Variants in UBAC2 observed in about 807,000 individuals in gnomAD.
UBAC2 encodes the protein UBA domain containing 2, also known as ubiquitin-associated domain-containing protein 2.
Under a neutral mutation model 44.0 loss-of-function variants are expected in UBAC2, and 26 were observed. The ratio of observed to expected loss-of-function variants is 0.59; its 90% CI spans 0.43 to 0.82. UBAC2 has a LOEUF of 0.82. UBAC2 is among the 40% of genes least tolerant of loss of function. The pLI is 0.00. For missense variants in UBAC2, 329 were observed against 419.4 expected (o/e 0.78, Z 1.88); for synonymous variants, 155 against 154.3 (o/e 1.00, Z -0.04).
At chr13:99,235,851 C>T (rs373399371) in intron 1 of UBAC2, among the ~76,000 whole-genome samples, 1 of 151,950 alleles carries the variant, frequency 6.6e-6, no homozygotes, top group African/African-American at 2.4e-5. Flanking sequence ...GCCTGTAGTC[C>T]CAGCTACTAG....
At position 99,385,170 on chromosome 13, in the gene UBAC2, C is replaced by A. The variant is rs1044158317; in HGVS notation, c.928-58C>A. ...AGGCTCACATGAAGAACATTTGGGGCCCAGGGATAAGCGGCAATGTCAGCG... is the reference window on the plus strand; with the variant it reads ...AGGCTCACATGAAGAACATTTGGGGACCAGGGATAAGCGGCAATGTCAGCG... On this transcript the variant is annotated intron_variant, in intron 8 of 8. Transcript: ENST00000403766. 14 of 1,287,910 alleles carry A rather than the reference C, an allele frequency of 1.1e-5. No homozygotes were observed. The African/African-American group carries it at 1.5e-4, about 13-fold the overall frequency. The allele number at this position is 1,287,910 out of a possible 1,614,324, so 79.8% of individuals were successfully genotyped here.
chr13:99,276,808 A>C (rs994773611), intron 4 of UBAC2, among the ~76,000 whole-genome samples: 11 of 152,216 alleles, frequency 7.2e-5, no homozygotes, highest in Admixed American at 7.2e-4. Flanking sequence ...GAAGAAGAAA[A>C]GGCACTTCTG....
At chr13:99,205,127 C>A (rs2142637105) in intron 1 of UBAC2, among the ~76,000 whole-genome samples, 1 of 152,300 alleles carries the variant, frequency 6.6e-6, no homozygotes, top group Middle Eastern at 3.4e-3. Flanking sequence ...TGGTCTTGAT[C>A]TCCTGACCTC....
intron 6 of UBAC2, among the ~76,000 whole-genome samples, chr13:99,319,886 A>C (rs1420161670): frequency 2.6e-5 from 4 of 152,208 alleles, no homozygotes; most frequent in Non-Finnish European, 5.9e-5. Context: ...CATTGCTTTG[A>C]TCATGAGAGA....
At chr13:99,245,085 C>T (rs1033632754) in intron 4 of UBAC2, among the ~76,000 whole-genome samples, 14 of 152,136 alleles carry the variant, frequency 9.2e-5, no homozygotes, top group African/African-American at 3.4e-4. Flanking sequence ...CCACCCGCCT[C>T]GGCCTCCCAA....
intron 4 of UBAC2, among the ~76,000 whole-genome samples, chr13:99,276,170 A>G (rs535123480): frequency 2.0e-5 from 3 of 152,270 alleles, no homozygotes; most frequent in Non-Finnish European, 2.9e-5. Flanking sequence ...GTGTTTTCCA[A>G]CGCTAACAAG....
chr13:99,202,106 A>AATGTCATG (rs2042811352), intron 1 of UBAC2, among the ~76,000 whole-genome samples: 1 of 150,756 alleles, frequency 6.6e-6, no homozygotes, highest in Non-Finnish European at 1.5e-5. Context: ...ATCTGTTGGG[A>AATGTCATG]ATGTCATGAA....
intron 4 of UBAC2, among the ~76,000 whole-genome samples, chr13:99,287,434 T>C (rs998658266): frequency 1.3e-5 from 2 of 152,004 alleles, no homozygotes; most frequent in Middle Eastern, 3.2e-3. Flanking sequence ...GTTCTTTTTT[T>C]TTTAAATTTT....
chr13:99,271,978 C>T (rs2043821340), intron 4 of UBAC2, among the ~76,000 whole-genome samples: 1 of 152,140 alleles, frequency 6.6e-6, no homozygotes, highest in South Asian at 2.1e-4. Context: ...TTTGTTAGGA[C>T]TGTTTGATCT....
intron 4 of UBAC2, chr13:99,308,883 G>A (rs914703119): frequency 6.6e-6 from 1 of 152,192 alleles, no homozygotes; most frequent in Non-Finnish European, 1.5e-5. Flanking sequence ...GAGATTTTAT[G>A]ACTTGGTGGA....
chr13:99,383,987 G>A (rs1049001121), intron 8 of UBAC2, among the ~76,000 whole-genome samples: 10 of 152,234 alleles, frequency 6.6e-5, no homozygotes, highest in Admixed American at 2.0e-4. Context: ...ACTAGGCTGC[G>A]GGTGAAGTGG....
intron 6 of UBAC2, among the ~76,000 whole-genome samples, chr13:99,334,492 C>G (rs1167516744): frequency 6.6e-6 from 1 of 151,974 alleles, no homozygotes; most frequent in Admixed American, 6.6e-5. Flanking sequence ...TTGGAGTTTC[C>G]AAGAACCTAT....
chr13:99,273,041 A>T, intron 4 of UBAC2, among the ~76,000 whole-genome samples: 2 of 151,690 alleles, frequency 1.3e-5, no homozygotes, highest in Non-Finnish European at 1.5e-5. Context: ...GATTAACCTA[A>T]CTATTCTTCT....
chr13:99,318,151 G>A (rs188819545), intron 6 of UBAC2, 82 bp downstream of exon 6: 82 of 1,275,786 alleles, frequency 6.4e-5, no homozygotes, highest in African/African-American at 4.7e-4. Context: ...TAGATTGTGC[G>A]TCATATTCAA....
At chr13:99,274,809 C>T (rs1017367812) in intron 4 of UBAC2, among the ~76,000 whole-genome samples, 4 of 151,860 alleles carry the variant, frequency 2.6e-5, no homozygotes, top group African/African-American at 9.7e-5. Flanking sequence ...CCTCAACTAC[C>T]TGGCCTCAGG....
Position 99,373,867 on chromosome 13 carries a change from T to C in UBAC2, c.927+5961T>C, listed in dbSNP as rs144101533. Among the ~76,000 whole-genome samples, 54 of 152,262 alleles carry C rather than the reference T, an allele frequency of 3.5e-4. No homozygotes were observed. In the East Asian group the frequency reaches 8.7e-3, roughly 24 times the overall value. Reference sequence around the variant, plus strand: ...GGATCTTACACAAGAAACACCATCATTGGGTTTCCCAAGAGGATGGACTGG... The same window carrying C: ...GGATCTTACACAAGAAACACCATCACTGGGTTTCCCAAGAGGATGGACTGG... On this transcript the variant is annotated intron_variant, in intron 8 of 8. Coordinates refer to ENST00000403766, the MANE Select transcript of UBAC2 (RefSeq NM_001144072.2).
intron 4 of UBAC2, among the ~76,000 whole-genome samples, chr13:99,282,927 C>A (rs9585032): frequency 4.6e-5 from 7 of 152,078 alleles, no homozygotes; most frequent in African/African-American, 1.7e-4. Flanking sequence ...TGCTTGAAAT[C>A]TAATGTGCTT....
At chr13:99,311,040 G>C (rs1391024087) in intron 4 of UBAC2, among the ~76,000 whole-genome samples, 1 of 152,106 alleles carries the variant, frequency 6.6e-6, no homozygotes, top group Non-Finnish European at 1.5e-5. Context: ...TAAAACAAAA[G>C]GCAAGTTCTG....
intron 4 of UBAC2, among the ~76,000 whole-genome samples, chr13:99,264,837 A>G (rs139068036): frequency 1.8e-3 from 273 of 152,276 alleles, no homozygotes; most frequent in African/African-American, 6.0e-3. Flanking sequence ...TGCGTCCAGG[A>G]TGCATTTCCT....
Sources: gnomAD v4.1 joint callset for allele counts (sites outside exome capture counted in the v4.1 genomes callset) on GRCh38, gnomAD v4.1.1 for gene constraint, MANE v1.5 for transcripts, NCBI Gene and HGNC (gene_info 2026-07-23, HGNC 2026-07-21) for gene names.